Variants in ELK3 observed in about 807,000 individuals in gnomAD.
ELK3 encodes the protein ETS transcription factor ELK3.
In ELK3, 10 loss-of-function variants were observed where a neutral mutation model predicts 28.9. The ratio of observed to expected loss-of-function variants is 0.35; its 90% CI spans 0.21 to 0.59. ELK3 has a LOEUF of 0.59. ELK3 is among the 20% of genes least tolerant of loss of function. The probability of loss-of-function intolerance (pLI) is 0.82; values close to 1 mark genes in which losing one functional copy is unlikely to be tolerated. For missense variants in ELK3, 463 were observed against 517.3 expected (o/e 0.90, Z 1.02); for synonymous variants, 272 against 243.5 (o/e 1.12, Z -1.09).
chr12:96,219,078 A>C (rs1273070482), intron 1 of ELK3, among the ~76,000 whole-genome samples: 1 of 152,252 alleles, frequency 6.6e-6, no homozygotes. Context: ...CAGATGAAAC[A>C]TTTTAACTTA....
Position 96,247,506 on chromosome 12 carries a change from C to T in ELK3, c.774C>T (p.Ser258=). The T allele has an allele frequency of 6.2e-7, 1 of 1,614,056 alleles. No homozygotes were observed. Residue 258 remains serine (S), a synonymous_variant, in exon 3 of 5, where the codon AGC becomes AGT. Coordinates refer to ENST00000228741, the MANE Select transcript of ELK3 (RefSeq NM_005230.4). The surrounding 1 kb of genome is among the most constrained non-coding windows in gnomAD (Gnocchi z 5.5). ...CACCCCTCCCTTCTGAACACAGAAG[C>T]CTCTTCCTGGAGGCCGCCTGCCATG... ...PNSPLPSEHR[S]LFLEAACHDS...
In ELK3 at chr12:96,267,144, T is replaced by G. The variant is rs772390876; in HGVS notation, c.1188T>G (p.Ser396=). ...TCCCCAGTCTGGACAGAGCTGCTTC[T>G]CCAGTACTGCTTTCTTCAAACTCTC... ...VPIPSLDRAA[S]PVLLSSNSQK... Residue 396 remains serine (S), a synonymous_variant, in exon 5 of 5, where the codon TCT becomes TCG. Coordinates refer to ENST00000228741, the MANE Select transcript of ELK3 (RefSeq NM_005230.4). 2 of 1,613,412 alleles carry G rather than the reference T, an allele frequency of 1.2e-6. No individual in the cohort carries two copies. The highest frequency in any genetic ancestry group is 1.7e-6 in the Non-Finnish European group (2 of 1,179,728).
chr12:96,258,475 T>C (rs773446938), intron 3 of ELK3, among the ~76,000 whole-genome samples: 2 of 152,236 alleles, frequency 1.3e-5, no homozygotes, highest in Admixed American at 1.3e-4. Context: ...TGGTAATTAA[T>C]GATGCTACGG....
Position 96,269,423 on chromosome 12 carries a change from A to G in ELK3, c.*2243A>G, listed in dbSNP as rs527329628. Reference sequence around the variant, plus strand: ...GATCTGATTCTTTCTTTTCCTTTGGAAACTGGGATTAATGTATGCTCTAGA... The same window carrying G: ...GATCTGATTCTTTCTTTTCCTTTGGGAACTGGGATTAATGTATGCTCTAGA... On this transcript the variant is annotated 3_prime_UTR_variant, in exon 5 of 5. Coordinates refer to ENST00000228741, the MANE Select transcript of ELK3 (RefSeq NM_005230.4). 2.0e-5 allele frequency: 3 copies of G among 152,336 alleles called. No individual in the cohort carries two copies. The East Asian group carries it at 5.8e-4, about 29-fold the overall frequency. 9.4% of individuals were successfully genotyped at this position (152,336 alleles called of 1,614,324 possible).
At chr12:96,219,021 C>T (rs1951643365) in intron 1 of ELK3, among the ~76,000 whole-genome samples, 1 of 152,206 alleles carries the variant, frequency 6.6e-6, no homozygotes, top group African/African-American at 2.4e-5. Flanking sequence ...ATGTGTTCTA[C>T]ATTTTTGAAG....
Position 96,247,424 on chromosome 12 carries a change from C to T in ELK3, c.692C>T (p.Ala231Val), listed in dbSNP as rs761537465. 1.1e-5 allele frequency: 18 copies of T among 1,614,026 alleles called. No individual in the cohort carries two copies. The East Asian group carries it at 4.0e-4, about 36-fold the overall frequency. Reference protein sequence around the residue: ...KISSLMLPNAASISSASPFSS... With the variant: ...KISSLMLPNAVSISSASPFSS... ...TCCTCTTTAATGTTGCCAAACGCTGCCAGTATTTCATCCGCCTCACCCTTC... is the reference window on the plus strand; with the variant it reads ...TCCTCTTTAATGTTGCCAAACGCTGTCAGTATTTCATCCGCCTCACCCTTC... The change falls in exon 3 of 5, where the codon GCC (alanine) becomes GTC (valine). Residue 231 changes from alanine (A) to valine (V), a missense_variant. Around this residue, in one of 2 missense-constraint regions of ELK3, gnomAD observed 408 missense variants for 414.8 expected, o/e 0.98. Transcript: ENST00000228741. This position sits in a 1 kb window ranked among gnomAD's most constrained non-coding sequence, Gnocchi z 5.5.
intron 1 of ELK3, among the ~76,000 whole-genome samples, chr12:96,223,113 T>C (rs1377014822): frequency 6.6e-6 from 1 of 152,048 alleles, no homozygotes; most frequent in Non-Finnish European, 1.5e-5. Context: ...ACCTCCAACG[T>C]TGGGGATTAC....
intron 2 of ELK3, among the ~76,000 whole-genome samples, chr12:96,229,371 C>T (rs1170920227): frequency 1.3e-5 from 2 of 152,150 alleles, no homozygotes; most frequent in African/African-American, 4.8e-5. Flanking sequence ...CAGAGCTGTG[C>T]TCCCTCTGAC....
chr12:96,214,002 A>T (rs1363942550), intron 1 of ELK3: 1 of 152,150 alleles, frequency 6.6e-6, no homozygotes, highest in Non-Finnish European at 1.5e-5. Context: ...GGGATTACAG[A>T]CATGTAATCC....
At position 96,247,634 on chromosome 12, in the gene ELK3, C is replaced by T. The variant is rs749140506; in HGVS notation, c.902C>T (p.Ala301Val). The T allele has an allele frequency of 5.6e-6, 9 of 1,613,114 alleles. No homozygotes were observed. Among genetic ancestry groups the T allele is most frequent in the Admixed American group, 3.3e-5 (2 of 60,034 alleles). Reference protein sequence around the residue: ...AKKPKGLEISAPPLVLSGTDI... With the variant: ...AKKPKGLEISVPPLVLSGTDI... ...AAACCCAAAGGCTTGGAAATCTCAG[C>T]GCCCCCGCTGGTGCTCTCCGGCACC... The change falls in exon 3 of 5, where the codon GCG becomes GTG. Residue 301 changes from alanine to valine, a missense_variant. Coordinates refer to ENST00000228741, the MANE Select transcript of ELK3 (RefSeq NM_005230.4). The surrounding 1 kb of genome is among the most constrained non-coding windows in gnomAD (Gnocchi z 5.5).
chr12:96,250,307 C>T (rs1028759701), intron 3 of ELK3, among the ~76,000 whole-genome samples: 3 of 152,346 alleles, frequency 2.0e-5, no homozygotes, highest in East Asian at 1.9e-4. Context: ...ATGAGGGAGA[C>T]ACCAGAGGGG....
chr12:96,268,350 G>GAGA lies in ELK3; in HGVS notation c.*1172_*1174dup, dbSNP rs1197277053. On this transcript the variant is annotated 3_prime_UTR_variant, in exon 5 of 5. Coordinates refer to ENST00000228741, the MANE Select transcript of ELK3 (RefSeq NM_005230.4). ...GCTTTATGTATTACTAAAGTTAGGG[G>GAGA]AGAATGAAGGAAATCTGACAGATGA... 2.6e-5 allele frequency: 4 copies of GAGA among 152,198 alleles called. No homozygotes were observed. The highest frequency in any genetic ancestry group is 9.7e-5 in the African/African-American group (4 of 41,450). The allele number at this position is 152,198 out of a possible 1,614,324, so 9.4% of individuals were successfully genotyped here. A position where few individuals can be genotyped will look rare whatever the true frequency, so the allele number is the denominator to read the frequency against.
rs144305445 is a variant in ELK3 at position 96,218,648 on chromosome 12, A to ATTTT, written c.-2-4902_-2-4899dup. ...GGGTCTAGGCAGGGGAAAGATAAGCATTTTTTTTTTTTTTTTTTGAGACAG... is the reference window on the plus strand; with the variant it reads ...GGGTCTAGGCAGGGGAAAGATAAGCATTTTTTTTTTTTTTTTTTTTTTGAGACAG... On this transcript the variant is annotated intron_variant, in intron 1 of 4. Transcript: ENST00000228741. Among the ~76,000 whole-genome samples the ATTTT allele has an allele frequency of 6.2e-3, 815 of 131,076 alleles. 13 individuals carry two copies. The highest frequency in any genetic ancestry group is 0.022 in the African/African-American group (777 of 35,508). The allele number at this position is 131,076 out of a possible 152,430, so 86.0% of individuals were successfully genotyped here. A position where few individuals can be genotyped will look rare whatever the true frequency, so the allele number is the denominator to read the frequency against.
At chr12:96,215,190 A>C (rs1476469353) in intron 1 of ELK3, among the ~76,000 whole-genome samples, 3 of 150,946 alleles carry the variant, frequency 2.0e-5, no homozygotes, top group Admixed American at 1.3e-4. Flanking sequence ...TGCCCCCTCA[A>C]CTCCCACCTC....
chr12:96,201,684 T>A (rs1951508962), intron 1 of ELK3, among the ~76,000 whole-genome samples: 1 of 151,542 alleles, frequency 6.6e-6, no homozygotes, highest in South Asian at 2.1e-4. Flanking sequence ...GGAGGAAAGG[T>A]CTTGACTCCT....
chr12:96,263,683 G>A (rs763271693), intron 4 of ELK3, among the ~76,000 whole-genome samples: 1 of 152,210 alleles, frequency 6.6e-6, no homozygotes, highest in South Asian at 2.1e-4. Context: ...AAGCAGTGGC[G>A]CCTCAGCTGG....
intron 2 of ELK3, among the ~76,000 whole-genome samples, chr12:96,241,325 CT>C (rs1951819319): frequency 6.6e-6 from 1 of 152,042 alleles, no homozygotes; most frequent in South Asian, 2.1e-4. Flanking sequence ...ACTGCATATG[CT>C]TTTTTTAAAT....
intron 3 of ELK3, 76 bp from the exon 4 acceptor site, chr12:96,259,655 T>C (rs1199023533): frequency 2.0e-6 from 3 of 1,491,700 alleles, no homozygotes; most frequent in Admixed American, 4.0e-5. Context: ...CTACCTAACC[T>C]CTCTCTGCTG....
intron 3 of ELK3, among the ~76,000 whole-genome samples, chr12:96,253,125 G>T (rs966217905): frequency 1.4e-4 from 22 of 152,202 alleles, no homozygotes; most frequent in African/African-American, 5.1e-4. Context: ...GCCAGGTTTG[G>T]TGGCAGATGC....
Sources: gnomAD v4.1 joint callset for allele counts (sites outside exome capture counted in the v4.1 genomes callset) on GRCh38, gnomAD v4.1.1 for gene constraint, gnomAD v4.1.1 regional missense constraint, Gnocchi (gnomAD v3.1) non-coding constraint, MANE v1.5 for transcripts, NCBI Gene and HGNC (gene_info 2026-07-23, HGNC 2026-07-21) for gene names.